Variants in TULP4 observed in about 807,000 individuals in gnomAD.
The protein encoded by TULP4 is tubby-related protein 4.
In TULP4, 16 loss-of-function variants were observed where a neutral mutation model predicts 129.0. The observed-to-expected ratio is 0.12, with a 90% CI of 0.08 to 0.19. The LOEUF is 0.19. Ranked by LOEUF, TULP4 falls within the 10% of genes least tolerant of loss-of-function variation. The pLI is 1.00. For synonymous variants in TULP4, 998 were observed against 854.0 expected, an observed-to-expected ratio of 1.17 and a Z score of -2.94; for missense variants, 1,842 against 2,059.1, an observed-to-expected ratio of 0.89 and a Z score of 2.04.
intron 3 of TULP4, among the ~76,000 whole-genome samples, chr6:158,435,500 A>G (rs1402839360): frequency 1.3e-5 from 2 of 151,716 alleles, no homozygotes; most frequent in Admixed American, 6.6e-5. Flanking sequence ...CATCGCTGTC[A>G]TCTCCCTCCC....
chr6:158,498,355 A>C (rs1002065336), intron 11 of TULP4, among the ~76,000 whole-genome samples: 1 of 152,234 alleles, frequency 6.6e-6, no homozygotes, highest in Admixed American at 6.5e-5. Context: ...ACCCTAGCTT[A>C]TTCCAAAAGA....
intron 1 of TULP4, among the ~76,000 whole-genome samples, chr6:158,235,750 G>T (rs1051199033): frequency 6.6e-6 from 1 of 152,192 alleles, no homozygotes; most frequent in Admixed American, 6.5e-5. Flanking sequence ...GTTAGTAACT[G>T]TGGTACTTCA....
At chr6:158,317,174 T>A (rs1363310327) in intron 1 of TULP4, among the ~76,000 whole-genome samples, 1 of 70,858 alleles carries the variant, frequency 1.4e-5, no homozygotes, top group Non-Finnish European at 3.1e-5. Flanking sequence ...ACATTGCATT[T>A]TTACTTTTTT....
intron 1 of TULP4, among the ~76,000 whole-genome samples, chr6:158,315,797 C>T (rs918321161): frequency 2.0e-5 from 3 of 152,204 alleles, no homozygotes; most frequent in Non-Finnish European, 4.4e-5. Context: ...TTCCTGTGTC[C>T]TCACATGGTG....
rs74368438 is a variant in TULP4 at position 158,332,289 on chromosome 6, A to C, written c.252+18021A>C. On this transcript the variant is annotated intron_variant, in intron 1 of 13. Coordinates refer to ENST00000367097, the MANE Select transcript of TULP4 (RefSeq NM_020245.5). The stretch of plus-strand genomic sequence containing the variant: ...ACTCTGTATAGTACCCTAGGGCCGA[A>C]GGAGATGATGCAAGGGAGGATAAGC... 4.5e-3 allele frequency among the ~76,000 whole-genome samples: 673 copies of C among 150,798 alleles called. 4 individuals are homozygous for C. The highest frequency in any genetic ancestry group is 0.015 in the African/African-American group (611 of 40,930).
intron 1 of TULP4, among the ~76,000 whole-genome samples, chr6:158,332,366 A>G (rs938528465): frequency 6.6e-6 from 1 of 151,904 alleles, no homozygotes; most frequent in African/African-American, 2.4e-5. Context: ...CCTAGCACAT[A>G]GCACGGAAGT....
chr6:158,315,690 T>G (rs1324819568), intron 1 of TULP4, among the ~76,000 whole-genome samples: 2 of 152,106 alleles, frequency 1.3e-5, no homozygotes, highest in East Asian at 1.9e-4. Flanking sequence ...CAACAGAAAT[T>G]TATTGCTTAC....
At position 158,501,914 on chromosome 6, in the gene TULP4, T is replaced by A. The variant is rs748787269; in HGVS notation, c.2251T>A (p.Ser751Thr). 5 of 1,613,924 alleles carry A rather than the reference T, an allele frequency of 3.1e-6. No individual in the cohort carries two copies. Among genetic ancestry groups the A allele is most frequent in the Non-Finnish European group, 3.4e-6 (4 of 1,179,998 alleles). The change falls in exon 13 of 14, where the codon TCC (serine) becomes ACC (threonine). Residue 751 changes from serine (S) to threonine (T), a missense_variant. This residue lies in a region of TULP4 where 1,089 missense variants were observed against 987.1 expected (regional missense o/e 1.10). Coordinates refer to ENST00000367097, the MANE Select transcript of TULP4 (RefSeq NM_020245.5). ...CCAGTACCCAGTCTCCAACCGGTAC[T>A]CCAATCCTGGACAGGTGATTTTCGG... ...ATQYPVSNRY[S>T]NPGQVIFGSV...
rs71030149 is a variant in TULP4 at position 158,236,795 on chromosome 6, C to CTTTTTTTT, written n.68+4521_68+4528dup. On this transcript the variant is annotated intron_variant and non_coding_transcript_variant, in intron 1 of 1. Coordinates refer to the TULP4 transcript ENST00000620026. ...AGATGGGTAAATGCCCAATTCTTTT[C>CTTTTTTTT]TTTTTTTTTTTTTTTTTTTTTTTTT... 3.3e-3 allele frequency among the ~76,000 whole-genome samples: 207 copies of CTTTTTTTT among 63,262 alleles called. 42 individuals are homozygous for CTTTTTTTT. Among genetic ancestry groups the CTTTTTTTT allele is most frequent in the South Asian group, 4.6e-3 (8 of 1,728 alleles). 41.5% of individuals were successfully genotyped at this position (63,262 alleles called of 152,430 possible).
intron 1 of TULP4, among the ~76,000 whole-genome samples, chr6:158,274,965 G>A (rs114720858): frequency 3.3e-5 from 5 of 152,100 alleles, no homozygotes; most frequent in African/African-American, 1.2e-4. Flanking sequence ...CTTCCATTTT[G>A]TTGTTCTCTC....
At chr6:158,458,013 A>AT (rs1779333429) in intron 5 of TULP4, among the ~76,000 whole-genome samples, 1 of 152,174 alleles carries the variant, frequency 6.6e-6, no homozygotes, top group African/African-American at 2.4e-5. Context: ...CTCCACATGC[A>AT]CGTGTGTATG....
intron 2 of TULP4, among the ~76,000 whole-genome samples, chr6:158,425,637 T>G (rs561717418): frequency 6.6e-6 from 1 of 151,470 alleles, no homozygotes; most frequent in South Asian, 2.1e-4. Context: ...TGAGACGGAG[T>G]CCCACTCTGT....
chr6:158,317,516 A>G (rs1583739629), intron 1 of TULP4, among the ~76,000 whole-genome samples: 1 of 151,942 alleles, frequency 6.6e-6, no homozygotes, highest in South Asian at 2.1e-4. Context: ...TTATGGCTGC[A>G]TAGTATTCCA....
intron 2 of TULP4, among the ~76,000 whole-genome samples, chr6:158,423,196 C>T (rs1016660075): frequency 4.0e-5 from 6 of 151,480 alleles, no homozygotes; most frequent in African/African-American, 1.5e-4. Flanking sequence ...ACTCCTGCAA[C>T]GTAAGTGTAA....
intron 1 of TULP4, among the ~76,000 whole-genome samples, chr6:158,345,332 A>G (rs1195726688): frequency 1.3e-5 from 2 of 152,216 alleles, no homozygotes. Flanking sequence ...AGATGTTGCT[A>G]CATTCATCAG....
At chr6:158,367,810 G>A (rs923033844) in intron 1 of TULP4, among the ~76,000 whole-genome samples, 2 of 151,974 alleles carry the variant, frequency 1.3e-5, no homozygotes, top group African/African-American at 2.4e-5. Flanking sequence ...GGAGGTTGAG[G>A]TGGGAAGATC....
At chr6:158,485,780 T>A (rs1430111532) in intron 8 of TULP4, among the ~76,000 whole-genome samples, 1 of 152,212 alleles carries the variant, frequency 6.6e-6, no homozygotes, top group African/African-American at 2.4e-5. Context: ...TTCAATGGAA[T>A]TTTCTTTGCG....
At chr6:158,398,449 C>T (rs371402638) in intron 1 of TULP4, 27 of 152,368 alleles carry the variant, frequency 1.8e-4, no homozygotes, top group African/African-American at 6.0e-4. Context: ...AAGCTCCAGC[C>T]CTCACCCAGT....
intron 9 of TULP4, among the ~76,000 whole-genome samples, chr6:158,491,416 TC>T (rs1562589082): frequency 0.011 from 307 of 27,596 alleles, 4 homozygotes; most frequent in African/African-American, 0.032. Flanking sequence ...TTTCTTTCTT[TC>T]TTTCTTTCTT....
Sources: allele counts gnomAD v4.1 joint callset (sites outside exome capture counted in the v4.1 genomes callset), GRCh38; gene constraint gnomAD v4.1.1; regional missense constraint gnomAD v4.1.1; transcripts MANE v1.5; gene names NCBI Gene and HGNC (gene_info 2026-07-23, HGNC 2026-07-21).